ARFIP1: variants seen among roughly 807,000 people sequenced by gnomAD.
The protein encoded by ARFIP1 is arfaptin-1.
In ARFIP1, 24 loss-of-function variants were observed where a neutral mutation model predicts 42.5. The ratio of observed to expected loss-of-function variants is 0.57; its 90% CI spans 0.41 to 0.80. The LOEUF (loss-of-function observed/expected upper bound fraction) is 0.80, where lower values mean the gene tolerates loss of function less well. ARFIP1 is among the 30% of genes least tolerant of loss of function. The pLI, the probability that ARFIP1 is intolerant of heterozygous loss-of-function variation, is 0.00. For missense variants in ARFIP1, 354 were observed against 434.0 expected (o/e 0.82, Z 1.64); for synonymous variants, 141 against 153.7 (o/e 0.92, Z 0.61).
intron 1 of ARFIP1, among the ~76,000 whole-genome samples, chr4:152,781,584 A>G (rs980224054): frequency 6.6e-6 from 1 of 151,992 alleles, no homozygotes; most frequent in Non-Finnish European, 1.5e-5. Flanking sequence ...ACAGATTACT[A>G]TATTTTACTG....
At chr4:152,835,696 C>T (rs527976127) in intron 2 of ARFIP1, among the ~76,000 whole-genome samples, 7 of 152,240 alleles carry the variant, frequency 4.6e-5, no homozygotes, top group South Asian at 2.1e-4. Flanking sequence ...ACTTACTCCT[C>T]GGTATCAATT....
chr4:152,818,302 G>A (rs573635222), intron 1 of ARFIP1, among the ~76,000 whole-genome samples: 1 of 152,344 alleles, frequency 6.6e-6, no homozygotes, highest in South Asian at 2.1e-4. Flanking sequence ...GGGAGAGACA[G>A]CTGCCGTGAC....
chr4:152,860,811 A>G (rs1387610465), intron 2 of ARFIP1, among the ~76,000 whole-genome samples: 4 of 152,228 alleles, frequency 2.6e-5, no homozygotes, highest in Admixed American at 2.6e-4. Context: ...TTGAATGGAT[A>G]AAACTAAAAT....
chr4:152,845,722 A>G (rs898836248), intron 2 of ARFIP1, among the ~76,000 whole-genome samples: 1 of 152,216 alleles, frequency 6.6e-6, no homozygotes, highest in Non-Finnish European at 1.5e-5. Context: ...CTGCAGAGAA[A>G]AAGGGAACAC....
chr4:152,880,939 AC>A (rs1735792546), intron 5 of ARFIP1, 23 bp from the exon 6 acceptor site: 1 of 1,575,376 alleles, frequency 6.3e-7, no homozygotes, highest in Non-Finnish European at 8.7e-7. Context: ...TTCTTTCTAA[AC>A]AAAATGCATC....
rs113208221 is a variant in ARFIP1 at position 152,910,331 on chromosome 4, C to A, written c.*112C>A. ...AGGGGTGACAAGCATTATAGTGATT[C>A]TTGCACAAACAGCTTTAATTTTTCC... On this transcript the variant is annotated 3_prime_UTR_variant, in exon 9 of 9. Coordinates refer to ENST00000353617, the MANE Select transcript of ARFIP1 (RefSeq NM_001025595.3). 48 of 1,232,640 alleles carry A rather than the reference C, an allele frequency of 3.9e-5. No homozygotes were observed. In the African/African-American group the frequency reaches 6.0e-4, roughly 15 times the overall value. 76.4% of individuals were successfully genotyped at this position (1,232,640 alleles called of 1,614,324 possible).
intron 2 of ARFIP1, among the ~76,000 whole-genome samples, chr4:152,833,603 G>A (rs1731416848): frequency 6.6e-6 from 1 of 152,084 alleles, no homozygotes; most frequent in Non-Finnish European, 1.5e-5. Flanking sequence ...CCAAAATATG[G>A]AAATAACCTA....
chr4:152,886,746 A>G (rs1202354633), intron 7 of ARFIP1, among the ~76,000 whole-genome samples: 1 of 151,974 alleles, frequency 6.6e-6, no homozygotes, highest in Non-Finnish European at 1.5e-5. Context: ...GAGGATAAAC[A>G]TATCTGTTCA....
intron 2 of ARFIP1, among the ~76,000 whole-genome samples, chr4:152,859,214 A>C (rs928766267): frequency 6.6e-6 from 1 of 152,090 alleles, no homozygotes; most frequent in African/African-American, 2.4e-5. Context: ...GGCTCATGCC[A>C]CCATGCCCAG....
intron 2 of ARFIP1, among the ~76,000 whole-genome samples, chr4:152,860,627 A>G (rs1328702005): frequency 6.6e-6 from 1 of 152,252 alleles, no homozygotes; most frequent in Admixed American, 6.5e-5. Context: ...CTTTACACAC[A>G]TCTCACTGCC....
intron 3 of ARFIP1, among the ~76,000 whole-genome samples, chr4:152,870,241 G>T (rs1254098569): frequency 6.6e-6 from 1 of 152,174 alleles, no homozygotes; most frequent in Admixed American, 6.5e-5. Flanking sequence ...CATTTGATTT[G>T]TGATTTGAAA....
At chr4:152,839,478 G>A (rs1162869225) in intron 2 of ARFIP1, among the ~76,000 whole-genome samples, 3 of 151,864 alleles carry the variant, frequency 2.0e-5, no homozygotes, top group Non-Finnish European at 4.4e-5. Context: ...ATCTGCTCGG[G>A]GTATCAAATT....
intron 1 of ARFIP1, among the ~76,000 whole-genome samples, chr4:152,825,031 A>C (rs531438875): frequency 2.0e-5 from 3 of 152,044 alleles, no homozygotes; most frequent in African/African-American, 7.2e-5. Context: ...GGAGGCAAAA[A>C]ATCTTCACAA....
intron 1 of ARFIP1, among the ~76,000 whole-genome samples, chr4:152,817,340 T>C (rs1729980786): frequency 6.6e-6 from 1 of 152,168 alleles, no homozygotes; most frequent in African/African-American, 2.4e-5. Flanking sequence ...ATTTCAAAAA[T>C]GCCAAGACCA....
intron 2 of ARFIP1, among the ~76,000 whole-genome samples, chr4:152,857,830 CTA>C (rs1316557608): frequency 3.9e-5 from 6 of 152,134 alleles, no homozygotes; most frequent in African/African-American, 1.4e-4. Context: ...TTGTTACCAC[CTA>C]TGTTTGTTTA....
Position 152,801,079 on chromosome 4 carries a change from C to T in ARFIP1, c.-10+20853C>T, listed in dbSNP as rs1728383361. Among the ~76,000 whole-genome samples, 2 of 152,084 alleles carry T rather than the reference C, an allele frequency of 1.3e-5. 1 individual carries two copies. Among genetic ancestry groups the T allele is most frequent in the South Asian group, 4.1e-4 (2 of 4,830 alleles). On this transcript the variant is annotated intron_variant, in intron 1 of 8. Coordinates refer to ENST00000353617, the MANE Select transcript of ARFIP1 (RefSeq NM_001025595.3). ...CATAGGAAGGATTTTGAGTGTCAAG[C>T]TGAGGAGTCGGCTTTTACATTGTAG...
intron 3 of ARFIP1, among the ~76,000 whole-genome samples, chr4:152,864,384 A>T (rs1195678983): frequency 1.3e-5 from 2 of 152,226 alleles, no homozygotes; most frequent in African/African-American, 4.8e-5. Context: ...AGTGACACTC[A>T]TGGCTATGAT....
chr4:152,861,000 G>A (rs1353288928), intron 2 of ARFIP1, among the ~76,000 whole-genome samples: 1 of 152,100 alleles, frequency 6.6e-6, no homozygotes, highest in East Asian at 1.9e-4. Flanking sequence ...AACCAAATTG[G>A]CTTTTTTATA....
intron 1 of ARFIP1, among the ~76,000 whole-genome samples, chr4:152,787,005 G>A (rs961735972): frequency 1.3e-5 from 2 of 152,028 alleles, no homozygotes; most frequent in African/African-American, 2.4e-5. Context: ...TACATTTCCC[G>A]CAGTTTGCAA....
Sources: allele counts gnomAD v4.1 joint callset (sites outside exome capture counted in the v4.1 genomes callset), GRCh38; gene constraint gnomAD v4.1.1; transcripts MANE v1.5; gene names NCBI Gene and HGNC (gene_info 2026-07-23, HGNC 2026-07-21).